Variants in TRIP11 observed in about 807,000 individuals in gnomAD.
TRIP11 encodes the protein thyroid receptor-interacting protein 11.
TRIP11 carries 148 observed loss-of-function variants against 223.1 expected under a neutral mutation model. That is an observed-to-expected ratio of 0.66 (90% CI 0.58 to 0.76). TRIP11 has a LOEUF of 0.76. TRIP11 is among the 30% of genes least tolerant of loss of function. The pLI, the probability that TRIP11 is intolerant of heterozygous loss-of-function variation, is 0.00. For synonymous variants in TRIP11, 762 were observed against 772.6 expected (o/e 0.99, Z 0.23); for missense variants, 2,043 against 2,222.0 (o/e 0.92, Z 1.62).
chr14:91,995,851 G>C (rs1299393874), intron 13 of TRIP11, among the ~76,000 whole-genome samples: 4 of 151,890 alleles, frequency 2.6e-5, no homozygotes, highest in Admixed American at 2.6e-4. Flanking sequence ...CCTGACCTCA[G>C]GTAATCCACC....
intron 4 of TRIP11, among the ~76,000 whole-genome samples, chr14:92,018,414 T>A (rs565970433): frequency 1.5e-4 from 23 of 152,186 alleles, no homozygotes; most frequent in Non-Finnish European, 2.8e-4. Flanking sequence ...ACCCAGAAGA[T>A]CTCTACCCAA....
rs776668031 is a variant in TRIP11 at position 92,004,485 on chromosome 14, C to T, written c.3491G>A (p.Arg1164His). The change falls in exon 11 of 21, where the codon CGT becomes CAT. Residue 1164 changes from arginine to histidine, a missense_variant. Arg to His is a conservative substitution (Grantham distance 29). Coordinates refer to ENST00000267622, the MANE Select transcript of TRIP11 (RefSeq NM_004239.4). Reference sequence around the variant, plus strand: ...TTCGATGTCTTTTTCTCGAATGATACGTGATAAATTCTGAATAGTTTCTCT... The same window carrying T: ...TTCGATGTCTTTTTCTCGAATGATATGTGATAAATTCTGAATAGTTTCTCT... ...MFRETIQNLS[R>H]IIREKDIEID... 9.9e-6 allele frequency: 16 copies of T among 1,613,266 alleles called. No individual in the cohort carries two copies. Among genetic ancestry groups the T allele is most frequent in the African/African-American group, 2.7e-5 (2 of 74,924 alleles).
In TRIP11 at chr14:92,037,637, G is replaced by A. The variant is rs1404431774; in HGVS notation, c.139+1910C>T. On this transcript the variant is annotated intron_variant, in intron 1 of 20. Transcript: ENST00000267622. The surrounding 1 kb of genome is among the most constrained non-coding windows in gnomAD (Gnocchi z 4.2). ...GCCTGTAATCCCAGCACTCTGGGAG[G>A]CCAAGGCAGGAGGATCACCTGCGGT... is the stretch of plus-strand genomic sequence containing the variant. 6.6e-6 allele frequency among the ~76,000 whole-genome samples: 1 copy of A among 152,238 alleles called. No homozygotes were observed. The highest frequency in any genetic ancestry group is 1.5e-5 in the Non-Finnish European group (1 of 68,036).
intron 16 of TRIP11, among the ~76,000 whole-genome samples, chr14:91,981,655 A>T (rs1234739259): frequency 6.6e-6 from 1 of 152,198 alleles, no homozygotes; most frequent in Non-Finnish European, 1.5e-5. Flanking sequence ...AGCCTCCCAA[A>T]GTGCTGGGAT....
intron 2 of TRIP11, among the ~76,000 whole-genome samples, chr14:92,028,283 G>A (rs1169241983): frequency 6.6e-6 from 1 of 152,214 alleles, no homozygotes; most frequent in Non-Finnish European, 1.5e-5. Flanking sequence ...GAAAGGGCTA[G>A]GCGTGGTGGC....
chr14:91,989,260 C>T (rs2056643536), intron 15 of TRIP11, among the ~76,000 whole-genome samples: 1 of 152,106 alleles, frequency 6.6e-6, no homozygotes, highest in Admixed American at 6.5e-5. Flanking sequence ...GCACCACTCC[C>T]AGTTGAAAAT....
In TRIP11 at chr14:91,967,941, C is replaced by CT. The variant is rs1428445329; in HGVS notation, c.*1731dup. The stretch of plus-strand genomic sequence containing the variant: ...AATATAGAACTTGCATGACAACTTC[C>CT]TTTAAAGTATAGTAAATAAAGAATG... On this transcript the variant is annotated 3_prime_UTR_variant, in exon 21 of 21. Coordinates refer to ENST00000267622, the MANE Select transcript of TRIP11 (RefSeq NM_004239.4). 1.5e-5 allele frequency: 3 copies of CT among 200,720 alleles called. No individual in the cohort carries two copies. The highest frequency in any genetic ancestry group is 6.9e-5 in the African/African-American group (3 of 43,486). 12.4% of individuals were successfully genotyped at this position (200,720 alleles called of 1,614,324 possible).
At chr14:91,994,210 C>T (rs150838335) in intron 14 of TRIP11, among the ~76,000 whole-genome samples, 3 of 151,570 alleles carry the variant, frequency 2.0e-5, no homozygotes, top group Admixed American at 1.3e-4. Context: ...GCTTTGTATA[C>T]ATACCCACTC....
At chr14:91,999,705 G>C (rs937413823) in intron 12 of TRIP11, among the ~76,000 whole-genome samples, 1 of 152,024 alleles carries the variant, frequency 6.6e-6, no homozygotes. Flanking sequence ...TTTGTGACAG[G>C]CCACTTTTTC....
Position 91,976,096 on chromosome 14 carries a change from C to T in TRIP11, c.5342+12G>A. 6.2e-7 allele frequency: 1 copy of T among 1,609,662 alleles called. No homozygotes were observed. Among genetic ancestry groups the T allele is most frequent in the Non-Finnish European group, 8.5e-7 (1 of 1,178,480 alleles). ...CCACAAAATATACAAACATTAAAAG[C>T]AAAAAGCATACTTGTCTACTTTTCC... On this transcript the variant is annotated intron_variant, in intron 17 of 20. Transcript: ENST00000267622.
At chr14:92,009,734 G>A (rs918592203) in intron 9 of TRIP11, among the ~76,000 whole-genome samples, 17 of 152,124 alleles carry the variant, frequency 1.1e-4, no homozygotes, top group Non-Finnish European at 1.5e-4. Context: ...GAGAAACACT[G>A]CATATATACT....
intron 7 of TRIP11, among the ~76,000 whole-genome samples, chr14:92,013,351 T>C (rs1158754094): frequency 6.6e-6 from 1 of 152,236 alleles, no homozygotes; most frequent in Non-Finnish European, 1.5e-5. Context: ...AAGTAACTCA[T>C]ATAATCCTCA....
intron 7 of TRIP11, 34 bp from the exon 8 acceptor site, chr14:92,011,829 T>A: frequency 6.3e-7 from 1 of 1,594,026 alleles, no homozygotes; most frequent in Non-Finnish European, 8.6e-7. Flanking sequence ...GACATTAAAA[T>A]TATTTAGAGT....
At chr14:91,999,884 A>G (rs2056799645) in intron 12 of TRIP11, 84 bp downstream of exon 12, 1 of 1,569,906 alleles carries the variant, frequency 6.4e-7, no homozygotes, top group South Asian at 1.1e-5. Flanking sequence ...AGAGAAATTC[A>G]TTTTCACTGA....
chr14:92,005,585 T>A lies in TRIP11; in HGVS notation c.2391A>T (p.Ser797=). Reference sequence around the variant, plus strand: ...ACTGCTTCTGCTCTTCTAAACTAGATGACAAAACGTCCTTAGTTTCTTTAT... The same window carrying A: ...ACTGCTTCTGCTCTTCTAAACTAGAAGACAAAACGTCCTTAGTTTCTTTAT... The part of the protein sequence containing the change: ...TDHKETKDVL[S]SSLEEQKQLT... Residue 797 remains serine (S), a synonymous_variant, in exon 11 of 21, where the codon TCA becomes TCT. Transcript: ENST00000267622. 6.2e-7 allele frequency: 1 copy of A among 1,613,428 alleles called. No homozygotes were observed. Among genetic ancestry groups the A allele is most frequent in the Non-Finnish European group, 8.5e-7 (1 of 1,179,908 alleles).
intron 16 of TRIP11, among the ~76,000 whole-genome samples, chr14:91,981,071 T>C (rs2056537669): frequency 7.5e-6 from 1 of 133,628 alleles, no homozygotes; most frequent in South Asian, 2.4e-4. Context: ...CAGACTGGAG[T>C]ACAGTGGCGC....
intron 9 of TRIP11, among the ~76,000 whole-genome samples, chr14:92,010,520 A>G (rs1320730923): frequency 6.6e-6 from 1 of 151,854 alleles, no homozygotes; most frequent in Non-Finnish European, 1.5e-5. Flanking sequence ...ACAAGAGCGA[A>G]ACTCCATCTC....
Position 92,021,716 on chromosome 14 carries a change from G to T in TRIP11, c.428C>A (p.Ser143Ter). Residue 143 changes from serine (S) to a stop codon, truncating the protein, a stop_gained, in exon 4 of 21, where the codon TCA becomes TAA. Transcript: ENST00000267622. LOFTEE classifies it high-confidence loss of function. ...ACTAATCCCATAAGCGAATGAAGAT[G>T]ATGCAGTGGTTGCTGGTACACCAGC... ...SGAGVPATTA[S>*]SSFAYGISHH... 1 of 1,614,180 alleles carries T rather than the reference G, an allele frequency of 6.2e-7. No individual in the cohort carries two copies. Among genetic ancestry groups the T allele is most frequent in the Non-Finnish European group, 8.5e-7 (1 of 1,180,034 alleles).
Position 91,967,518 on chromosome 14 carries a change from T to C in TRIP11, c.*2155A>G, listed in dbSNP as rs1406742086. Reference sequence around the variant, plus strand: ...TATCATGCTCTGTGATGTTTAGCTATGCAATCCACCCACAACAGCTTTTAA... The same window carrying C: ...TATCATGCTCTGTGATGTTTAGCTACGCAATCCACCCACAACAGCTTTTAA... On this transcript the variant is annotated 3_prime_UTR_variant, in exon 21 of 21. Coordinates refer to ENST00000267622, the MANE Select transcript of TRIP11 (RefSeq NM_004239.4). 5.1e-6 allele frequency: 1 copy of C among 197,402 alleles called. No homozygotes were observed. The highest frequency in any genetic ancestry group is 1.0e-5 in the Non-Finnish European group (1 of 95,320). 12.2% of individuals were successfully genotyped at this position (197,402 alleles called of 1,614,324 possible).
Sources: allele counts gnomAD v4.1 joint callset (sites outside exome capture counted in the v4.1 genomes callset), GRCh38; gene constraint gnomAD v4.1.1; non-coding constraint Gnocchi (gnomAD v3.1); transcripts MANE v1.5; gene names NCBI Gene and HGNC (gene_info 2026-07-23, HGNC 2026-07-21).